The following PDE12 variants were observed in gnomAD, a reference collection of about 807,000 sequenced individuals.
PDE12 encodes the protein phosphodiesterase 12, also known as 2',5'-phosphodiesterase 12.
A neutral mutation model predicts 45.4 loss-of-function variants in PDE12; 26 were observed. The ratio of observed to expected loss-of-function variants is 0.57; its 90% CI spans 0.42 to 0.79. The LOEUF (loss-of-function observed/expected upper bound fraction) is 0.79. Ranked by LOEUF, PDE12 falls within the 30% of genes least tolerant of loss-of-function variation. The pLI is 0.00. For missense variants in PDE12, 668 were observed against 790.0 expected (o/e 0.85, Z 1.85); for synonymous variants, 283 against 323.9 (o/e 0.87, Z 1.36).
the PDE12 span, among the ~76,000 whole-genome samples, chr3:57,582,390 G>A: frequency 3.3e-5 from 5 of 151,372 alleles, no homozygotes; most frequent in African/African-American, 4.9e-5. Flanking sequence ...TCACAGGTGC[G>A]CGCCACCACG....
At chr3:57,567,698 T>A (rs961323342), downstream of PDE12, among the ~76,000 whole-genome samples, 6 of 152,170 alleles carry the variant, frequency 3.9e-5, no homozygotes, top group Non-Finnish European at 8.8e-5. Context: ...CTAGTTTTCA[T>A]ACTAATTCTA....
chr3:57,562,793 A>G lies in PDE12; in HGVS notation c.*2789A>G, dbSNP rs1256126430. 2 of 152,240 alleles carry G rather than the reference A, an allele frequency of 1.3e-5. No homozygotes were observed. Among genetic ancestry groups the G allele is most frequent in the Non-Finnish European group, 2.9e-5 (2 of 68,044 alleles). The allele number at this position is 152,240 out of a possible 1,614,324, so 9.4% of individuals were successfully genotyped here. A position where few individuals can be genotyped will look rare whatever the true frequency, so the allele number is the denominator to read the frequency against. Reference sequence around the variant, plus strand: ...AATAATCAAAATTCATGAGCAAACAATCGTTTCTGGCTGTAATGTATGTTC... The same window carrying G: ...AATAATCAAAATTCATGAGCAAACAGTCGTTTCTGGCTGTAATGTATGTTC... On this transcript the variant is annotated 3_prime_UTR_variant, in exon 3 of 3. Transcript: ENST00000311180.
rs187737523 is a variant in PDE12 at position 57,566,461 on chromosome 3, G to C, written c.*6457G>C. 13 of 152,248 alleles carry C rather than the reference G, an allele frequency of 8.5e-5. No individual in the cohort carries two copies. The highest frequency in any genetic ancestry group is 7.9e-4 in the Admixed American group (12 of 15,276). The allele number at this position is 152,248 out of a possible 1,614,324, so 9.4% of individuals were successfully genotyped here. A position where few individuals can be genotyped will look rare whatever the true frequency, so the allele number is the denominator to read the frequency against. ...AAACATTTGTGATAAGTTTTTGAGT[G>C]AATATGTGTTTTTGTTTCTCTTGGG... On this transcript the variant is annotated 3_prime_UTR_variant, in exon 3 of 3. Coordinates refer to ENST00000311180, the MANE Select transcript of PDE12 (RefSeq NM_177966.7).
chr3:57,652,953 A>C, the PDE12 span, among the ~76,000 whole-genome samples: 1 of 152,242 alleles, frequency 6.6e-6, no homozygotes, highest in Non-Finnish European at 1.5e-5. Context: ...ACATTATTGT[A>C]ACAACTGGTA....
At chr3:57,630,632 A>T in the PDE12 span, 1 of 1,537,404 alleles carries the variant, frequency 6.5e-7, no homozygotes, top group Non-Finnish European at 8.8e-7. Context: ...ATTTTTTAAA[A>T]AGAATAAGCT....
At chr3:57,608,681 G>T in the PDE12 span, among the ~76,000 whole-genome samples, 3 of 152,054 alleles carry the variant, frequency 2.0e-5, no homozygotes, top group Non-Finnish European at 4.4e-5. Flanking sequence ...TCAACAAGAA[G>T]AGCTAACTAT....
chr3:57,593,425 G>C, the PDE12 span, among the ~76,000 whole-genome samples: 1 of 152,064 alleles, frequency 6.6e-6, no homozygotes, highest in African/African-American at 2.4e-5. Context: ...CCACTCTTTA[G>C]CTTGGTAATA....
chr3:57,598,344 A>G, the PDE12 span: 1 of 152,192 alleles, frequency 6.6e-6, no homozygotes, highest in East Asian at 1.9e-4. Context: ...ATGGGGTTGA[A>G]TAAGAAAAAC....
chr3:57,645,060 G>A, the PDE12 span, among the ~76,000 whole-genome samples: 1 of 151,962 alleles, frequency 6.6e-6, no homozygotes, highest in Admixed American at 6.6e-5. Flanking sequence ...AAAAGGGAAA[G>A]GGTAAGATTA....
At chr3:57,611,574 G>A in the PDE12 span, among the ~76,000 whole-genome samples, 1 of 152,132 alleles carries the variant, frequency 6.6e-6, no homozygotes, top group Non-Finnish European at 1.5e-5. Context: ...AGTGGGAGAA[G>A]GATATGAACA....
chr3:57,616,473 GGAAGAAGAAA>G, the PDE12 span, among the ~76,000 whole-genome samples: 1 of 149,116 alleles, frequency 6.7e-6, no homozygotes, highest in Non-Finnish European at 1.5e-5. Flanking sequence ...GGAGAAAGAA[GGAAGAAGAAA>G]GAAGGAGGAA....
the PDE12 span, among the ~76,000 whole-genome samples, chr3:57,650,784 A>AT: frequency 2.6e-5 from 2 of 77,788 alleles, no homozygotes; most frequent in East Asian, 6.6e-4. Flanking sequence ...ATCCACATGG[A>AT]ATTTTTTTTT....
chr3:57,596,879 T>C, the PDE12 span: 1 of 598,486 alleles, frequency 1.7e-6, no homozygotes, highest in Admixed American at 3.0e-5. Flanking sequence ...CTGTCTCGTC[T>C]GGCGACAGAT....
chr3:57,621,684 T>G, the PDE12 span, among the ~76,000 whole-genome samples: 6 of 151,238 alleles, frequency 4.0e-5, no homozygotes, highest in African/African-American at 1.2e-4. Context: ...ATAAAAATAA[T>G]AGAAGAAAAC....
At chr3:57,586,566 C>T in the PDE12 span, among the ~76,000 whole-genome samples, 2 of 152,158 alleles carry the variant, frequency 1.3e-5, no homozygotes, top group African/African-American at 4.8e-5. Flanking sequence ...CTGTTCCCCA[C>T]TTCGTACTCG....
At chr3:57,598,536 C>T in the PDE12 span, among the ~76,000 whole-genome samples, 1 of 152,150 alleles carries the variant, frequency 6.6e-6, no homozygotes, top group Non-Finnish European at 1.5e-5. Flanking sequence ...AATCCCAGCA[C>T]TTTGGGAGGC....
chr3:57,652,770 A>G, the PDE12 span, among the ~76,000 whole-genome samples: 1 of 152,214 alleles, frequency 6.6e-6, no homozygotes, highest in African/African-American at 2.4e-5. Context: ...CAGAGCCTCA[A>G]TCTAATCAGG....
At chr3:57,628,903 C>T in the PDE12 span, 1 of 1,600,546 alleles carries the variant, frequency 6.2e-7, no homozygotes, top group South Asian at 1.1e-5. Context: ...AAATAAAGTC[C>T]CAAATCAGTA....
chr3:57,597,867 C>G, the PDE12 span: 1 of 152,228 alleles, frequency 6.6e-6, no homozygotes, highest in South Asian at 2.1e-4. Flanking sequence ...CGCATGAAGA[C>G]CGGTCCGGTC....
Sources: gnomAD v4.1 joint callset for allele counts (sites outside exome capture counted in the v4.1 genomes callset) on GRCh38, gnomAD v4.1.1 for gene constraint, MANE v1.5 for transcripts, NCBI Gene and HGNC (gene_info 2026-07-23, HGNC 2026-07-21) for gene names.